Variants in NIPBL observed in about 807,000 individuals in gnomAD.
NIPBL encodes nipped-B-like protein.
A neutral mutation model predicts 321.8 loss-of-function variants in NIPBL; 19 were observed. The ratio of observed to expected loss-of-function variants is 0.06; its 90% CI spans 0.04 to 0.09. NIPBL has a LOEUF of 0.09. Among genes scored for constraint, NIPBL ranks in the 10% least tolerant of loss-of-function variants. The pLI is 1.00. For missense variants in NIPBL, 2,210 were observed against 3,327.0 expected (o/e 0.66, Z 8.26); for synonymous variants, 1,106 against 1,114.1 (o/e 0.99, Z 0.14).
intron 1 of NIPBL, chr5:36,885,135 A>G (rs1745794020): frequency 2.3e-6 from 1 of 434,710 alleles, no homozygotes; most frequent in African/African-American, 2.1e-5. Flanking sequence ...AATACGTTAC[A>G]GCACATAAAA....
intron 1 of NIPBL, among the ~76,000 whole-genome samples, chr5:36,903,384 A>C (rs555522036): frequency 6.6e-6 from 1 of 152,158 alleles, no homozygotes; most frequent in African/African-American, 2.4e-5. Context: ...TGCTCATTCA[A>C]TATGATGTTG....
intron 42 of NIPBL, among the ~76,000 whole-genome samples, chr5:37,056,908 AT>A (rs1186607189): frequency 2.0e-5 from 3 of 152,240 alleles, no homozygotes; most frequent in African/African-American, 4.8e-5. Flanking sequence ...ATTAAAAAAA[AT>A]GGGCCTAAGA....
At chr5:36,885,742 C>T (rs548758209) in intron 1 of NIPBL, 25 of 598,186 alleles carry the variant, frequency 4.2e-5, no homozygotes, top group Admixed American at 2.2e-4. Context: ...CTGTAGAGAA[C>T]GACATCCGTG....
At chr5:36,882,427 T>A (rs1745577867) in intron 1 of NIPBL, among the ~76,000 whole-genome samples, 1 of 151,860 alleles carries the variant, frequency 6.6e-6, no homozygotes, top group African/African-American at 2.4e-5. Flanking sequence ...ATGAGAAAAC[T>A]GAGATATAGA....
chr5:36,893,141 A>G (rs926691247), intron 1 of NIPBL, among the ~76,000 whole-genome samples: 3 of 152,286 alleles, frequency 2.0e-5, no homozygotes, highest in Non-Finnish European at 4.4e-5. Context: ...TTGTTTATCC[A>G]GCCTCATCTG....
chr5:36,906,804 A>G (rs1747673618), intron 1 of NIPBL, among the ~76,000 whole-genome samples: 1 of 152,206 alleles, frequency 6.6e-6, no homozygotes, highest in South Asian at 2.1e-4. Flanking sequence ...TAGATTTTAA[A>G]TATTTTCTAG....
At chr5:36,901,724 G>C (rs938937221) in intron 1 of NIPBL, among the ~76,000 whole-genome samples, 7 of 151,976 alleles carry the variant, frequency 4.6e-5, no homozygotes, top group African/African-American at 1.7e-4. Context: ...GGTCAGGCTG[G>C]TCTCGAACTC....
intron 1 of NIPBL, among the ~76,000 whole-genome samples, chr5:36,878,174 G>C (rs560917265): frequency 6.6e-6 from 1 of 152,252 alleles, no homozygotes; most frequent in African/African-American, 2.4e-5. Flanking sequence ...AAATCCTTGG[G>C]AGGTTAAAAA....
chr5:37,016,681 T>G (rs1749036596), intron 23 of NIPBL, among the ~76,000 whole-genome samples: 1 of 152,166 alleles, frequency 6.6e-6, no homozygotes, highest in African/African-American at 2.4e-5. Context: ...TTAATATTAT[T>G]CGGAAACTAT....
intron 9 of NIPBL, among the ~76,000 whole-genome samples, chr5:36,980,838 G>A (rs1325721499): frequency 6.6e-6 from 1 of 151,478 alleles, no homozygotes; most frequent in Non-Finnish European, 1.5e-5. Context: ...ATTTGAACTT[G>A]GCATATTGCA....
rs754508684 is a variant in NIPBL at position 36,972,009 on chromosome 5, G to A, written c.836G>A (p.Cys279Tyr). Reference protein sequence around the residue: ...SFPLRSPQPVCSPAGSEGTPK... With the variant: ...SFPLRSPQPVYSPAGSEGTPK... ...CCCTTGAGATCTCCACAGCCAGTAT[G>A]CTCCCCTGCTGGAAGTGAAGGAACT... is the stretch of plus-strand genomic sequence containing the variant. The change falls in exon 8 of 47, where the codon TGC (cysteine) becomes TAC (tyrosine). Residue 279 changes from cysteine (C) to tyrosine (Y), a missense_variant. Transcript: ENST00000282516. 38 of 1,613,190 alleles carry A rather than the reference G, an allele frequency of 2.4e-5. No homozygotes were observed. Among genetic ancestry groups the A allele is most frequent in the Non-Finnish European group, 3.1e-5 (37 of 1,179,436 alleles).
At chr5:36,955,383 A>G (rs1740825054) in intron 2 of NIPBL, 89 bp from the exon 3 acceptor site, 1 of 1,093,252 alleles carries the variant, frequency 9.1e-7, no homozygotes, top group African/African-American at 1.5e-5. Flanking sequence ...TGATATTTAT[A>G]ACTTACTTTT....
chr5:36,915,972 T>C (rs1185127783), intron 1 of NIPBL, among the ~76,000 whole-genome samples: 2 of 152,216 alleles, frequency 1.3e-5, no homozygotes, highest in Non-Finnish European at 2.9e-5. Context: ...GAAATACATC[T>C]GAAGTCCATT....
chr5:36,917,205 C>G (rs562042501), intron 1 of NIPBL, among the ~76,000 whole-genome samples: 4 of 151,902 alleles, frequency 2.6e-5, no homozygotes, highest in Admixed American at 6.6e-5. Flanking sequence ...TAATTGGTAT[C>G]TCATTGTGGT....
At chr5:37,062,465 T>C (rs951151274) in intron 45 of NIPBL, among the ~76,000 whole-genome samples, 1 of 151,590 alleles carries the variant, frequency 6.6e-6, no homozygotes, top group Non-Finnish European at 1.5e-5. Flanking sequence ...AGACAGATAA[T>C]AGACTAGAGG....
chr5:36,992,625 C>T (rs1001605289), intron 10 of NIPBL, among the ~76,000 whole-genome samples: 34 of 152,136 alleles, frequency 2.2e-4, no homozygotes, highest in Admixed American at 2.2e-3. Context: ...AATGATCCTC[C>T]CATCTCAGCC....
At chr5:37,041,727 G>A (rs1752402632) in intron 34 of NIPBL, among the ~76,000 whole-genome samples, 1 of 151,740 alleles carries the variant, frequency 6.6e-6, no homozygotes, top group South Asian at 2.1e-4. Flanking sequence ...ACCACACCCG[G>A]CTAATTTTTG....
chr5:36,915,993 A>G (rs1748428055), intron 1 of NIPBL, among the ~76,000 whole-genome samples: 1 of 152,212 alleles, frequency 6.6e-6, no homozygotes, highest in Non-Finnish European at 1.5e-5. Flanking sequence ...TCTTTAATTC[A>G]TCATTATCTT....
In NIPBL at chr5:36,985,651, C is replaced by T. The variant is rs587783904; in HGVS notation, c.2471C>T (p.Ser824Leu). 1.2e-6 allele frequency: 2 copies of T among 1,613,938 alleles called. No homozygotes were observed. The highest frequency in any genetic ancestry group is 1.7e-5 in the Admixed American group (1 of 59,896). The change falls in exon 10 of 47, where the codon TCA becomes TTA. Residue 824 changes from serine to leucine, a missense_variant. By Grantham distance (145) the Ser-to-Leu change is moderately radical (BLOSUM62 -2). Coordinates refer to ENST00000282516, the MANE Select transcript of NIPBL (RefSeq NM_133433.4). The stretch of plus-strand genomic sequence containing the variant: ...CGTGACCATGATAATAAACAAAAAT[C>T]AGATGACAGGGGTGAATCAGAGCGA... ...LRRDHDNKQK[S>L]DDRGESERHR...
Sources: allele counts gnomAD v4.1 joint callset (sites outside exome capture counted in the v4.1 genomes callset), GRCh38; gene constraint gnomAD v4.1.1; transcripts MANE v1.5; gene names NCBI Gene and HGNC (gene_info 2026-07-23, HGNC 2026-07-21).